Variants in PCDH9 observed in about 807,000 individuals in gnomAD.
PCDH9 encodes protocadherin 9.
PCDH9 carries 24 observed loss-of-function variants against 70.6 expected under a neutral mutation model. The observed-to-expected ratio is 0.34, with a 90% CI of 0.25 to 0.48. The LOEUF (loss-of-function observed/expected upper bound fraction) is 0.48. Ranked by LOEUF, PCDH9 falls within the 20% of genes least tolerant of loss-of-function variation. The pLI is 0.99. For missense variants in PCDH9, 1,281 were observed against 1,503.6 expected (o/e 0.85, Z 2.45); for synonymous variants, 562 against 558.5 (o/e 1.01, Z -0.09).
chr13:66,999,997 G>A (rs1422926271), intron 2 of PCDH9, among the ~76,000 whole-genome samples: 11 of 152,056 alleles, frequency 7.2e-5, no homozygotes, highest in Non-Finnish European at 1.3e-4. Flanking sequence ...TACCCAAAGG[G>A]CTATAAATCA....
At chr13:67,107,584 T>G (rs987918197) in intron 2 of PCDH9, among the ~76,000 whole-genome samples, 1 of 152,126 alleles carries the variant, frequency 6.6e-6, no homozygotes, top group Non-Finnish European at 1.5e-5. Flanking sequence ...AGGACCTGCC[T>G]ACAAAAAGGA....
At chr13:67,047,190 T>C (rs904452055) in intron 2 of PCDH9, among the ~76,000 whole-genome samples, 3 of 152,284 alleles carry the variant, frequency 2.0e-5, no homozygotes, top group East Asian at 1.9e-4. Flanking sequence ...CCCACTCTAA[T>C]GCCTTTTTCC....
chr13:67,066,819 T>G (rs939920705), intron 2 of PCDH9, among the ~76,000 whole-genome samples: 9 of 152,190 alleles, frequency 5.9e-5, no homozygotes, highest in African/African-American at 2.2e-4. Flanking sequence ...TTTTCCTGTA[T>G]AACCAATTCC....
chr13:66,919,180 G>C (rs1438583410), intron 2 of PCDH9, among the ~76,000 whole-genome samples: 1 of 151,130 alleles, frequency 6.6e-6, no homozygotes, highest in African/African-American at 2.4e-5. Flanking sequence ...GCATTCAGTT[G>C]TCTGCAATAT....
chr13:67,026,397 A>G (rs990062205), intron 2 of PCDH9, among the ~76,000 whole-genome samples: 1 of 152,198 alleles, frequency 6.6e-6, no homozygotes, highest in Non-Finnish European at 1.5e-5. Flanking sequence ...TAAATTAGGT[A>G]TTGATGGGAC....
At chr13:66,689,629 T>C (rs1437099540) in intron 3 of PCDH9, among the ~76,000 whole-genome samples, 3 of 152,198 alleles carry the variant, frequency 2.0e-5, no homozygotes, top group East Asian at 3.8e-4. Flanking sequence ...TGAATTTCCA[T>C]TGACAGAGCC....
intron 2 of PCDH9, among the ~76,000 whole-genome samples, chr13:67,107,015 G>T (rs1222760848): frequency 1.3e-5 from 2 of 152,200 alleles, no homozygotes; most frequent in South Asian, 4.1e-4. Context: ...GGCATGAACA[G>T]CCGGGGCACC....
chr13:66,345,526 T>C (rs1284755578), intron 4 of PCDH9, among the ~76,000 whole-genome samples: 1 of 152,096 alleles, frequency 6.6e-6, no homozygotes, highest in African/African-American at 2.4e-5. Flanking sequence ...CTCCTGAACA[T>C]TCAAAAGGGC....
At chr13:66,794,275 G>C (rs138446801) in intron 3 of PCDH9, among the ~76,000 whole-genome samples, 32 of 152,018 alleles carry the variant, frequency 2.1e-4, no homozygotes, top group African/African-American at 5.5e-4. Context: ...AGAAAAGGAA[G>C]GAAAGAAGGA....
In PCDH9 at chr13:66,809,173, C is replaced by A. The variant is rs547821803; in HGVS notation, c.3138+94331G>T. ...CCGTGTTAGCCAGGATGGTCTTGAT[C>A]TCCTGACCTCGTGATCCACCCGTCT... On this transcript the variant is annotated intron_variant, in intron 3 of 4. Coordinates refer to ENST00000377865, the MANE Select transcript of PCDH9 (RefSeq NM_203487.3). Among the ~76,000 whole-genome samples, 283 of 152,256 alleles carry A rather than the reference C, an allele frequency of 1.9e-3. 5 individuals are homozygous for A. Among genetic ancestry groups the A allele is most frequent in the East Asian group, 1.2e-3 (6 of 5,166 alleles).
At chr13:66,483,724 A>T (rs1356981841) in intron 4 of PCDH9, among the ~76,000 whole-genome samples, 2 of 152,116 alleles carry the variant, frequency 1.3e-5, no homozygotes, top group African/African-American at 4.8e-5. Context: ...TGGGTAGAGG[A>T]GGGCATGATC....
intron 3 of PCDH9, among the ~76,000 whole-genome samples, chr13:66,824,727 C>CAT (rs1224215695): frequency 3.7e-4 from 53 of 141,624 alleles, no homozygotes; most frequent in African/African-American, 8.2e-4. Context: ...TACACACACA[C>CAT]ATATATATAT....
At chr13:66,910,363 T>A (rs1156980599) in intron 2 of PCDH9, among the ~76,000 whole-genome samples, 1 of 123,516 alleles carries the variant, frequency 8.1e-6, no homozygotes, top group Non-Finnish European at 1.7e-5. Flanking sequence ...TGTGATCAAG[T>A]GAAATTAATG....
At chr13:66,705,809 TA>T (rs1329737993) in intron 3 of PCDH9, among the ~76,000 whole-genome samples, 2 of 152,146 alleles carry the variant, frequency 1.3e-5, no homozygotes, top group Non-Finnish European at 1.5e-5. Flanking sequence ...CAATAAACCA[TA>T]AAAATAATTA....
At chr13:66,656,705 T>G (rs2077935346) in intron 3 of PCDH9, among the ~76,000 whole-genome samples, 1 of 152,176 alleles carries the variant, frequency 6.6e-6, no homozygotes, top group South Asian at 2.1e-4. Context: ...GAGTTAATAC[T>G]CCTGTGAAAG....
chr13:66,688,051 C>T (rs2078430863), intron 3 of PCDH9, among the ~76,000 whole-genome samples: 1 of 152,112 alleles, frequency 6.6e-6, no homozygotes, highest in South Asian at 2.1e-4. Context: ...TCGCAAGCCT[C>T]TTCCAAAGCC....
chr13:66,788,316 C>T (rs896972242), intron 3 of PCDH9, among the ~76,000 whole-genome samples: 1 of 152,120 alleles, frequency 6.6e-6, no homozygotes, highest in African/African-American at 2.4e-5. Flanking sequence ...CGCCTCCCAA[C>T]CCTGTTGCAT....
chr13:66,942,094 T>C (rs571217276), intron 2 of PCDH9, among the ~76,000 whole-genome samples: 1 of 151,888 alleles, frequency 6.6e-6, no homozygotes, highest in Non-Finnish European at 1.5e-5. Context: ...ACAAAATAGA[T>C]AATTAGAAGT....
chr13:67,226,174 C>T lies in PCDH9; in HGVS notation c.2267G>A (p.Ser756Asn). 1 of 1,614,154 alleles carries T rather than the reference C, an allele frequency of 6.2e-7. No homozygotes were observed. Among genetic ancestry groups the T allele is most frequent in the Non-Finnish European group, 8.5e-7 (1 of 1,180,000 alleles). Residue 756 changes from serine (S) to asparagine (N), a missense_variant, in exon 2 of 5, where the codon AGT (serine) becomes AAT (asparagine). By Grantham distance (46) the Ser-to-Asn change is conservative. Transcript: ENST00000377865. The surrounding 1 kb of genome is among the most constrained non-coding windows in gnomAD (Gnocchi z 5.0). ...CAAAGACTTAGGGTACCCCAGGTCA[C>T]TTATGTTGACCACCAAACGATGCAA... ...VGLHRLVVNI[S>N]DLGYPKSLHT...
Sources: allele counts gnomAD v4.1 joint callset (sites outside exome capture counted in the v4.1 genomes callset), GRCh38; gene constraint gnomAD v4.1.1; non-coding constraint Gnocchi (gnomAD v3.1); transcripts MANE v1.5; gene names NCBI Gene and HGNC (gene_info 2026-07-23, HGNC 2026-07-21).